XPR1: variants seen among roughly 807,000 people sequenced by gnomAD.
XPR1 encodes the protein xenotropic and polytropic retrovirus receptor 1, also known as solute carrier family 53 member 1.
In XPR1, 28 loss-of-function variants were observed where a neutral mutation model predicts 87.5. The observed-to-expected ratio is 0.32, with a 90% CI of 0.24 to 0.44. XPR1 has a LOEUF of 0.44. Among genes scored for constraint, XPR1 ranks in the 20% least tolerant of loss-of-function variants. The pLI is 1.00. For missense variants in XPR1, 559 were observed against 862.3 expected, an observed-to-expected ratio of 0.65 and a Z score of 4.41; for synonymous variants, 300 against 306.1, an observed-to-expected ratio of 0.98 and a Z score of 0.21.
At chr1:180,675,504 A>G (rs1656338645) in intron 1 of XPR1, among the ~76,000 whole-genome samples, 2 of 152,098 alleles carry the variant, frequency 1.3e-5, no homozygotes, top group South Asian at 4.2e-4. Context: ...TGGCATAGTG[A>G]ATTGGGGTCA....
intron 10 of XPR1, 138 bp from the exon 11 acceptor site, chr1:180,836,384 A>G: frequency 2.3e-6 from 2 of 878,478 alleles, no homozygotes; most frequent in East Asian, 2.6e-5. Flanking sequence ...TCTTGAGAAT[A>G]TAATAGTTGC....
chr1:180,790,784 G>A (rs1571841389), intron 3 of XPR1, among the ~76,000 whole-genome samples: 1 of 151,860 alleles, frequency 6.6e-6, no homozygotes, highest in Non-Finnish European at 1.5e-5. Context: ...CTCGTGATCC[G>A]CCTGCCTCAG....
At chr1:180,788,269 GAGTGGCATCTAC>G (rs1239588777) in intron 3 of XPR1, among the ~76,000 whole-genome samples, 1 of 152,140 alleles carries the variant, frequency 6.6e-6, no homozygotes, top group Non-Finnish European at 1.5e-5. Flanking sequence ...CTGGCCTCCA[GAGTGGCATCTAC>G]AGTATGCCAC....
In XPR1 at chr1:180,711,124, C is replaced by T. The variant is rs370213286; in HGVS notation, c.121+28713C>T. Reference sequence around the variant, plus strand: ...GGCTGGGCAGAGGCGCTCCTCACATCCCAGACGGGGCGGCGGGGCAGAGGC... The same window carrying T: ...GGCTGGGCAGAGGCGCTCCTCACATTCCAGACGGGGCGGCGGGGCAGAGGC... On this transcript the variant is annotated intron_variant, in intron 2 of 14. Coordinates refer to ENST00000367590, the MANE Select transcript of XPR1 (RefSeq NM_004736.4). 1.5e-4 allele frequency among the ~76,000 whole-genome samples: 22 copies of T among 151,342 alleles called. No individual in the cohort carries two copies. In the South Asian group the frequency reaches 1.9e-3, roughly 13 times the overall value.
intron 9 of XPR1, among the ~76,000 whole-genome samples, chr1:180,834,450 A>G (rs1651200967): frequency 6.6e-6 from 1 of 152,222 alleles, no homozygotes; most frequent in Non-Finnish European, 1.5e-5. Flanking sequence ...CAATTTAGGT[A>G]TAAAAATGTG....
intron 11 of XPR1, among the ~76,000 whole-genome samples, chr1:180,855,750 T>C (rs536476648): frequency 1.3e-5 from 2 of 152,248 alleles, no homozygotes; most frequent in East Asian, 3.9e-4. Flanking sequence ...CTTTTCCTCT[T>C]TATTCTTACA....
At chr1:180,725,591 A>AT (rs1233800819) in intron 2 of XPR1, among the ~76,000 whole-genome samples, 5 of 152,194 alleles carry the variant, frequency 3.3e-5, no homozygotes, top group South Asian at 4.1e-4. Context: ...AGAGAAACAT[A>AT]TTTTTGCATT....
chr1:180,644,049 A>G (rs931172781), intron 1 of XPR1, among the ~76,000 whole-genome samples: 1 of 152,184 alleles, frequency 6.6e-6, no homozygotes, highest in Admixed American at 6.5e-5. Flanking sequence ...ATTGAATGAT[A>G]TTAAGCTCAC....
intron 12 of XPR1, among the ~76,000 whole-genome samples, chr1:180,864,090 C>T (rs1652305114): frequency 6.6e-6 from 1 of 152,124 alleles, no homozygotes; most frequent in African/African-American, 2.4e-5. Context: ...AATTCTCATT[C>T]TCAAGGAAAG....
At chr1:180,745,377 T>C (rs1252133493) in intron 2 of XPR1, among the ~76,000 whole-genome samples, 1 of 151,768 alleles carries the variant, frequency 6.6e-6, no homozygotes, top group East Asian at 1.9e-4. Flanking sequence ...AGAGCACGAG[T>C]GAGCAAGAGA....
In XPR1 at chr1:180,794,794, A is replaced by T. The variant is rs527667454; in HGVS notation, c.223+6940A>T. On this transcript the variant is annotated intron_variant, in intron 3 of 14. Coordinates refer to ENST00000367590, the MANE Select transcript of XPR1 (RefSeq NM_004736.4). ...ATGCACAGTGGTGTTAAAGTACATG[A>T]CATATTTGGGGATGAAGACAATAAC... Among the ~76,000 whole-genome samples, 6 of 152,314 alleles carry T rather than the reference A, an allele frequency of 3.9e-5. No homozygotes were observed. The South Asian group carries it at 1.2e-3, about 32-fold the overall frequency.
chr1:180,763,597 AGAT>A (rs1305044886), intron 2 of XPR1, among the ~76,000 whole-genome samples: 1 of 152,228 alleles, frequency 6.6e-6, no homozygotes, highest in Non-Finnish European at 1.5e-5. Flanking sequence ...GCAATGATGA[AGAT>A]GATGATGTTT....
chr1:180,667,750 G>A (rs992678489), intron 1 of XPR1, among the ~76,000 whole-genome samples: 2 of 152,112 alleles, frequency 1.3e-5, no homozygotes, highest in South Asian at 2.1e-4. Flanking sequence ...GAATTATGGA[G>A]TCAATCTTCT....
chr1:180,821,219 T>A (rs1043565150), intron 7 of XPR1, among the ~76,000 whole-genome samples: 1 of 152,212 alleles, frequency 6.6e-6, no homozygotes, highest in African/African-American at 2.4e-5. Context: ...TTTGAATTAA[T>A]CTTTGTGTAT....
At chr1:180,819,697 A>G (rs1467866719) in intron 7 of XPR1, among the ~76,000 whole-genome samples, 1 of 152,230 alleles carries the variant, frequency 6.6e-6, no homozygotes, top group Non-Finnish European at 1.5e-5. Context: ...GAGCAAATCT[A>G]TCACCACCAC....
intron 1 of XPR1, among the ~76,000 whole-genome samples, chr1:180,655,580 T>G (rs1040630548): frequency 5.9e-5 from 9 of 152,190 alleles, no homozygotes; most frequent in Non-Finnish European, 1.2e-4. Flanking sequence ...TAGTGTCTTT[T>G]GATATACAAT....
chr1:180,818,873 T>G (rs1006429499), intron 7 of XPR1, among the ~76,000 whole-genome samples: 1 of 152,194 alleles, frequency 6.6e-6, no homozygotes, highest in Non-Finnish European at 1.5e-5. Context: ...GGTTTTAGAT[T>G]TATGTGCAAT....
At chr1:180,835,162 CTTAAT>C (rs766222488) in intron 10 of XPR1, 117 bp downstream of exon 10, 27 of 1,149,692 alleles carry the variant, frequency 2.3e-5, no homozygotes, top group South Asian at 4.2e-5. Context: ...ATATTATAAA[CTTAAT>C]TTAATGTACT....
At chr1:180,652,715 A>G (rs1459771178) in intron 1 of XPR1, among the ~76,000 whole-genome samples, 2 of 152,256 alleles carry the variant, frequency 1.3e-5, no homozygotes, top group Admixed American at 1.3e-4. Context: ...TGATGTAATA[A>G]CATGTAAATT....
Sources: allele counts gnomAD v4.1 joint callset (sites outside exome capture counted in the v4.1 genomes callset), GRCh38; gene constraint gnomAD v4.1.1; transcripts MANE v1.5; gene names NCBI Gene and HGNC (gene_info 2026-07-23, HGNC 2026-07-21).